Variants in CCDC15 observed in about 807,000 individuals in gnomAD.
CCDC15 encodes the protein coiled-coil domain containing 15.
Under a neutral mutation model 114.5 loss-of-function variants are expected in CCDC15, and 105 were observed. The ratio of observed to expected loss-of-function variants is 0.92; its 90% CI spans 0.78 to 1.08. The LOEUF (loss-of-function observed/expected upper bound fraction) is 1.08, where lower values mean the gene tolerates loss of function less well. Among genes scored for constraint, CCDC15 ranks in the 50% least tolerant of loss-of-function variants. The pLI is 0.00. For missense variants in CCDC15, 1,105 were observed against 1,093.6 expected (o/e 1.01, Z -0.15); for synonymous variants, 334 against 377.8 (o/e 0.88, Z 1.34).
chr11:125,007,100 T>G (rs370136887), intron 13 of CCDC15, among the ~76,000 whole-genome samples: 2 of 152,186 alleles, frequency 1.3e-5, no homozygotes, highest in East Asian at 3.8e-4. Flanking sequence ...ATTGGGAACA[T>G]TTCAAATCTT....
At chr11:124,992,129 T>A (rs768116160) in intron 9 of CCDC15, among the ~76,000 whole-genome samples, 5 of 152,240 alleles carry the variant, frequency 3.3e-5, no homozygotes, top group Non-Finnish European at 5.9e-5. Context: ...TGTTTTTTTC[T>A]CTTCTACTTT....
At position 124,987,216 on chromosome 11, in the gene CCDC15, A is replaced by G. The variant is rs1228727696; in HGVS notation, c.990A>G (p.Pro330=). 1 of 1,541,682 alleles carries G rather than the reference A, an allele frequency of 6.5e-7. No homozygotes were observed. Among genetic ancestry groups the G allele is most frequent in the Admixed American group, 2.2e-5 (1 of 45,744 alleles). ...LHFEGLQDIL[P]EAQDYFLEAQ... ...TTGAGGGCCTTCAGGATATTCTGCC[A>G]GAAGCCCAGGATTATTTTCTAGAAG... The change falls in exon 8 of 16, where the codon CCA becomes CCG. Residue 330 remains proline (P), a synonymous_variant. Coordinates refer to ENST00000344762, the MANE Select transcript of CCDC15 (RefSeq NM_025004.3).
At chr11:125,025,529 G>A (rs962928282) in intron 13 of CCDC15, among the ~76,000 whole-genome samples, 55 of 151,762 alleles carry the variant, frequency 3.6e-4, no homozygotes, top group African/African-American at 1.2e-3. Flanking sequence ...GTAGAATTTG[G>A]CAGTGAATCC....
intron 4 of CCDC15, among the ~76,000 whole-genome samples, chr11:124,974,434 G>A (rs1372555077): frequency 2.0e-5 from 3 of 152,136 alleles, no homozygotes; most frequent in East Asian, 1.9e-4. Context: ...GAATGAACAC[G>A]AAATCAACAT....
rs1228727696 is a variant in CCDC15 at position 124,987,216 on chromosome 11, A to T, written c.990A>T (p.Pro330=). 12 of 1,541,682 alleles carry T rather than the reference A, an allele frequency of 7.8e-6. No homozygotes were observed. Among genetic ancestry groups the T allele is most frequent in the East Asian group, 2.2e-5 (1 of 44,488 alleles). The part of the protein sequence containing the change: ...LHFEGLQDIL[P]EAQDYFLEAQ... ...TTGAGGGCCTTCAGGATATTCTGCCAGAAGCCCAGGATTATTTTCTAGAAG... is the reference window on the plus strand; with the variant it reads ...TTGAGGGCCTTCAGGATATTCTGCCTGAAGCCCAGGATTATTTTCTAGAAG... The change falls in exon 8 of 16, where the codon CCA becomes CCT. Residue 330 remains proline (P), a synonymous_variant. Transcript: ENST00000344762.
At position 125,003,770 on chromosome 11, in the gene CCDC15, A is replaced by C; in HGVS notation, c.2215-97A>C. The C allele has an allele frequency of 6.0e-6, 4 of 662,938 alleles. 1 individual carries two copies. In the African/African-American group the frequency reaches 7.8e-5, roughly 13 times the overall value. 41.1% of individuals were successfully genotyped at this position (662,938 alleles called of 1,614,324 possible). On this transcript the variant is annotated intron_variant, in intron 11 of 15. Coordinates refer to ENST00000344762, the MANE Select transcript of CCDC15 (RefSeq NM_025004.3). ...CCCCTTCTTTATCCAATTGAGCCCA[A>C]GTTTGCAAAAGAAAAGAACAGATAA...
At chr11:124,990,774 G>A (rs1372783717) in intron 8 of CCDC15, among the ~76,000 whole-genome samples, 2 of 151,818 alleles carry the variant, frequency 1.3e-5, no homozygotes, top group African/African-American at 4.8e-5. Flanking sequence ...AATATTTCTG[G>A]CAGCCATTAT....
At position 124,988,385 on chromosome 11, in the gene CCDC15, C is replaced by A; in HGVS notation, c.1908+251C>A. Among the ~76,000 whole-genome samples the A allele has an allele frequency of 1.3e-5, 2 of 152,152 alleles. 1 individual carries two copies. Reference sequence around the variant, plus strand: ...GCATAATGCCTAAAAAAAGTACATACCTTAATTTAAAAATACTTTATTGCT... The same window carrying A: ...GCATAATGCCTAAAAAAAGTACATAACTTAATTTAAAAATACTTTATTGCT... On this transcript the variant is annotated intron_variant, in intron 8 of 15. Coordinates refer to ENST00000344762, the MANE Select transcript of CCDC15 (RefSeq NM_025004.3).
chr11:125,037,774 T>C (rs1948785709), intron 13 of CCDC15, among the ~76,000 whole-genome samples: 1 of 152,238 alleles, frequency 6.6e-6, no homozygotes, highest in African/African-American at 2.4e-5. Context: ...TTGTGTACTT[T>C]TTAAAACTTT....
intron 6 of CCDC15, among the ~76,000 whole-genome samples, chr11:124,985,972 A>G (rs1249047082): frequency 6.6e-6 from 1 of 151,968 alleles, no homozygotes; most frequent in African/African-American, 2.4e-5. Context: ...TGTTCTTTTA[A>G]GATTTTATAG....
intron 4 of CCDC15, among the ~76,000 whole-genome samples, chr11:124,960,497 C>T (rs1002824273): frequency 5.3e-5 from 8 of 151,940 alleles, no homozygotes; most frequent in African/African-American, 9.7e-5. Context: ...TTCTTACCTT[C>T]GTTGCAAAGA....
chr11:125,007,986 T>C (rs1174920546), intron 13 of CCDC15, among the ~76,000 whole-genome samples: 1 of 152,242 alleles, frequency 6.6e-6, no homozygotes, highest in African/African-American at 2.4e-5. Flanking sequence ...CTTTCAACTT[T>C]GTTTTTCTTT....
At chr11:125,004,843 A>G (rs75976132) in intron 12 of CCDC15, among the ~76,000 whole-genome samples, 5,302 of 152,202 alleles carry the variant, frequency 0.035, 131 homozygotes, top group Middle Eastern at 0.088. Context: ...AACACAGAGT[A>G]AATATTTCAG....
At chr11:124,970,592 A>G (rs921391776) in intron 4 of CCDC15, among the ~76,000 whole-genome samples, 1 of 152,238 alleles carries the variant, frequency 6.6e-6, no homozygotes, top group Non-Finnish European at 1.5e-5. Context: ...CTCCATGATA[A>G]TAAAGTAGGT....
intron 13 of CCDC15, among the ~76,000 whole-genome samples, chr11:125,016,624 T>C (rs1418121719): frequency 6.6e-6 from 1 of 152,202 alleles, no homozygotes; most frequent in African/African-American, 2.4e-5. Context: ...CTGATCTGCA[T>C]GAAAAGGTCT....
At chr11:125,013,307 A>G (rs1028917535) in intron 13 of CCDC15, among the ~76,000 whole-genome samples, 1 of 152,168 alleles carries the variant, frequency 6.6e-6, no homozygotes, top group African/African-American at 2.4e-5. Flanking sequence ...TGAGAAATAA[A>G]ATAAAAATTT....
chr11:125,025,625 T>G (rs1183659539), intron 13 of CCDC15, among the ~76,000 whole-genome samples: 2 of 152,052 alleles, frequency 1.3e-5, no homozygotes, highest in African/African-American at 4.8e-5. Context: ...GGTTATCAAT[T>G]TTTTTCTTGA....
chr11:125,014,204 A>G (rs903610108), intron 13 of CCDC15, among the ~76,000 whole-genome samples: 2 of 152,164 alleles, frequency 1.3e-5, no homozygotes, highest in African/African-American at 4.8e-5. Flanking sequence ...AATAAACCTT[A>G]CCTAAATTAC....
chr11:125,019,240 G>A (rs1431957367), intron 13 of CCDC15, among the ~76,000 whole-genome samples: 3 of 151,986 alleles, frequency 2.0e-5, no homozygotes, highest in African/African-American at 4.8e-5. Context: ...CTAACTGTGT[G>A]TCAAGCACTT....
Sources: gnomAD v4.1 joint callset for allele counts (sites outside exome capture counted in the v4.1 genomes callset) on GRCh38, gnomAD v4.1.1 for gene constraint, MANE v1.5 for transcripts, NCBI Gene and HGNC (gene_info 2026-07-23, HGNC 2026-07-21) for gene names.